ULK4: variants seen among roughly 807,000 people sequenced by gnomAD.
The protein encoded by ULK4 is unc-51 like kinase 4.
Under a neutral mutation model 160.6 loss-of-function variants are expected in ULK4, and 133 were observed. The ratio of observed to expected loss-of-function variants is 0.83; its 90% CI spans 0.72 to 0.96. The LOEUF (loss-of-function observed/expected upper bound fraction) is 0.96. ULK4 is among the 40% of genes least tolerant of loss of function. ULK4 has a pLI of 0.00. For missense variants in ULK4, 1,580 were observed against 1,499.5 expected (o/e 1.05, Z -0.89); for synonymous variants, 534 against 539.8 (o/e 0.99, Z 0.15).
intron 2 of ULK4, among the ~76,000 whole-genome samples, chr3:41,938,565 C>T (rs776892998): frequency 4.6e-5 from 7 of 152,062 alleles, no homozygotes; most frequent in Non-Finnish European, 4.4e-5. Context: ...GCCTGAAATT[C>T]GAGCTACTCA....
intron 30 of ULK4, among the ~76,000 whole-genome samples, chr3:41,644,010 T>G (rs1481641503): frequency 9.9e-5 from 15 of 152,198 alleles, no homozygotes; most frequent in African/African-American, 2.7e-4. Context: ...TATTGGTGTA[T>G]AAGAATGCTT....
intron 21 of ULK4, among the ~76,000 whole-genome samples, chr3:41,757,054 CATAAACT>C (rs1241726978): frequency 3.1e-5 from 4 of 129,364 alleles, no homozygotes; most frequent in African/African-American, 1.3e-4. Flanking sequence ...AAAAAAACCA[CATAAACT>C]AGAGTATTTG....
intron 29 of ULK4, among the ~76,000 whole-genome samples, chr3:41,673,464 A>T (rs1441853183): frequency 6.6e-6 from 1 of 152,174 alleles, no homozygotes; most frequent in Non-Finnish European, 1.5e-5. Context: ...TGTAAGGAAT[A>T]TATCCCTTTC....
chr3:41,420,904 A>G (rs2082649450), intron 34 of ULK4, among the ~76,000 whole-genome samples: 1 of 151,718 alleles, frequency 6.6e-6, no homozygotes, highest in Non-Finnish European at 1.5e-5. Flanking sequence ...ACTTGAGGTA[A>G]GGAGTTTGAG....
Position 41,376,335 on chromosome 3 carries a change from G to A in ULK4, c.3678+21744C>T, listed in dbSNP as rs2081493325. Among the ~76,000 whole-genome samples, 3 of 150,142 alleles carry A rather than the reference G, an allele frequency of 2.0e-5. No homozygotes were observed. The South Asian group carries it at 6.5e-4, about 33-fold the overall frequency. ...AGACACATACACACATATGTTTATT[G>A]CAGCACTATTCACAATAGCAAAGAC... On this transcript the variant is annotated intron_variant, in intron 35 of 36. Coordinates refer to ENST00000301831, the MANE Select transcript of ULK4 (RefSeq NM_017886.4).
At position 41,918,595 on chromosome 3, in the gene ULK4, C is replaced by CTTT. The variant is rs36064862; in HGVS notation, c.644-58_644-56dup. ...AAGAAGTCTGCTATCACCAATAATT[C>CTTT]TTTTTTTTTTTTTTTTTTTTTTTTG... On this transcript the variant is annotated intron_variant, in intron 6 of 36. Transcript: ENST00000301831. 571 of 226,650 alleles carry CTTT rather than the reference C, an allele frequency of 2.5e-3. 1 individual carries two copies. The highest frequency in any genetic ancestry group is 4.3e-3 in the African/African-American group (88 of 20,290). The allele number at this position is 226,650 out of a possible 1,614,324, so 14.0% of individuals were successfully genotyped here.
At chr3:41,685,179 G>A (rs1204799188) in intron 27 of ULK4, among the ~76,000 whole-genome samples, 3 of 152,168 alleles carry the variant, frequency 2.0e-5, no homozygotes, top group Admixed American at 6.5e-5. Flanking sequence ...CTACCTTTGA[G>A]GTGATTATAA....
At chr3:41,461,102 G>T (rs1335293792) in intron 33 of ULK4, among the ~76,000 whole-genome samples, 4 of 152,068 alleles carry the variant, frequency 2.6e-5, no homozygotes, top group African/African-American at 9.7e-5. Flanking sequence ...TAGTGGGTAG[G>T]GACTGAACTT....
chr3:41,679,868 A>C (rs1376306256), intron 29 of ULK4, among the ~76,000 whole-genome samples: 5 of 151,952 alleles, frequency 3.3e-5, no homozygotes, highest in Admixed American at 2.6e-4. Flanking sequence ...CAAAGCACAT[A>C]TTTTCTTTTT....
rs370303809 is a variant in ULK4 at position 41,644,247 on chromosome 3, G to C, written c.3071+19360C>G. The stretch of plus-strand genomic sequence containing the variant: ...ACACTATGTTGAATAGGAGTGGTGA[G>C]AGAGGGCATCCCTGTCTTGTGCCAG... On this transcript the variant is annotated intron_variant, in intron 30 of 36. Transcript: ENST00000301831. 3.0e-4 allele frequency among the ~76,000 whole-genome samples: 45 copies of C among 152,026 alleles called. No individual in the cohort carries two copies. In the South Asian group the frequency reaches 9.0e-3, roughly 30 times the overall value.
chr3:41,708,371 T>C (rs2036978619), intron 25 of ULK4, among the ~76,000 whole-genome samples: 1 of 152,196 alleles, frequency 6.6e-6, no homozygotes, highest in Non-Finnish European at 1.5e-5. Flanking sequence ...TCCTGTCATT[T>C]GTGGCAACAT....
chr3:41,952,262 G>C (rs938188053), intron 2 of ULK4, among the ~76,000 whole-genome samples: 2 of 152,088 alleles, frequency 1.3e-5, no homozygotes, highest in Non-Finnish European at 2.9e-5. Flanking sequence ...AAGTGAAAAG[G>C]CAACCTATAG....
chr3:41,581,260 T>A (rs1421343736), intron 31 of ULK4, among the ~76,000 whole-genome samples: 1 of 151,882 alleles, frequency 6.6e-6, no homozygotes, highest in African/African-American at 2.4e-5. Flanking sequence ...GGTAGGTGGG[T>A]GGGGAGGCAG....
At chr3:41,840,524 C>T (rs370630167) in intron 17 of ULK4, among the ~76,000 whole-genome samples, 139 of 152,334 alleles carry the variant, frequency 9.1e-4, no homozygotes, top group East Asian at 2.3e-3. Flanking sequence ...TGCAGGCGCG[C>T]GCCGCCACAC....
chr3:41,362,200 A>T (rs2081159989), intron 35 of ULK4, among the ~76,000 whole-genome samples: 3 of 152,218 alleles, frequency 2.0e-5, no homozygotes, highest in Admixed American at 2.0e-4. Context: ...CTTGTGGCTT[A>T]AAGACACAAA....
intron 30 of ULK4, among the ~76,000 whole-genome samples, chr3:41,649,279 G>A (rs2034638649): frequency 6.6e-6 from 1 of 152,166 alleles, no homozygotes. Flanking sequence ...GCCAGCTGTA[G>A]TGGGGGAGGT....
At chr3:41,657,300 C>T (rs919662731) in intron 30 of ULK4, among the ~76,000 whole-genome samples, 2 of 152,058 alleles carry the variant, frequency 1.3e-5, no homozygotes, top group Admixed American at 6.6e-5. Flanking sequence ...TCATAATGCT[C>T]CACTTAACAT....
chr3:41,781,018 C>T (rs2039821901), intron 21 of ULK4, among the ~76,000 whole-genome samples: 1 of 151,380 alleles, frequency 6.6e-6, no homozygotes, highest in African/African-American at 2.4e-5. Context: ...AAGATAGAGG[C>T]AGAAAGAGAG....
At chr3:41,618,268 A>G (rs527952291) in intron 30 of ULK4, among the ~76,000 whole-genome samples, 1 of 152,342 alleles carries the variant, frequency 6.6e-6, no homozygotes, top group African/African-American at 2.4e-5. Flanking sequence ...CAGGAACTAC[A>G]GAGAACACAA....
Sources: gnomAD v4.1 joint callset for allele counts (sites outside exome capture counted in the v4.1 genomes callset) on GRCh38, gnomAD v4.1.1 for gene constraint, MANE v1.5 for transcripts, NCBI Gene and HGNC (gene_info 2026-07-23, HGNC 2026-07-21) for gene names.